BCKDHB: variants seen among roughly 807,000 people sequenced by gnomAD.
BCKDHB encodes the protein branched chain keto acid dehydrogenase E1 subunit beta.
Under a neutral mutation model 48.5 loss-of-function variants are expected in BCKDHB, and 41 were observed. The observed-to-expected ratio is 0.85, with a 90% CI of 0.66 to 1.10. The LOEUF (loss-of-function observed/expected upper bound fraction) is 1.10. Among genes scored for constraint, BCKDHB ranks in the 50% least tolerant of loss-of-function variants. BCKDHB has a pLI of 0.00. For synonymous variants in BCKDHB, 201 were observed against 174.8 expected, an observed-to-expected ratio of 1.15 and a Z score of -1.18; for missense variants, 496 against 494.2, an observed-to-expected ratio of 1.00 and a Z score of -0.03.
intron 1 of BCKDHB, among the ~76,000 whole-genome samples, chr6:80,119,867 AT>A (rs144052587): frequency 0.073 from 10,928 of 149,024 alleles, 584 homozygotes; most frequent in South Asian, 0.25. Context: ...TTTTTTTCCT[AT>A]TTTTTTTTTC....
At chr6:80,119,670 A>G (rs1387531452) in intron 1 of BCKDHB, among the ~76,000 whole-genome samples, 1 of 152,150 alleles carries the variant, frequency 6.6e-6, no homozygotes, top group African/African-American at 2.4e-5. Flanking sequence ...TCTAAATGGC[A>G]TCTAGAATAG....
chr6:80,293,395 G>T (rs1364659157), intron 9 of BCKDHB, among the ~76,000 whole-genome samples: 11 of 152,298 alleles, frequency 7.2e-5, no homozygotes, highest in Non-Finnish European at 2.9e-5. Context: ...ACCCTCTAAA[G>T]CCACAGCCCA....
At chr6:80,340,047 T>C (rs1168247977) in intron 9 of BCKDHB, among the ~76,000 whole-genome samples, 1 of 152,222 alleles carries the variant, frequency 6.6e-6, no homozygotes, top group Non-Finnish European at 1.5e-5. Flanking sequence ...TTAAGATGGT[T>C]AAATTAGATA....
At chr6:80,144,290 T>C (rs1238797181) in intron 3 of BCKDHB, among the ~76,000 whole-genome samples, 1 of 152,140 alleles carries the variant, frequency 6.6e-6, no homozygotes, top group East Asian at 1.9e-4. Flanking sequence ...TAAGGCAACT[T>C]AGGTATTTGC....
chr6:80,258,407 A>G (rs1582454704), intron 8 of BCKDHB, among the ~76,000 whole-genome samples: 1 of 152,350 alleles, frequency 6.6e-6, no homozygotes, highest in East Asian at 1.9e-4. Flanking sequence ...TACCAGAGGA[A>G]ATATTCAACA....
intron 8 of BCKDHB, among the ~76,000 whole-genome samples, chr6:80,254,773 C>T (rs960787189): frequency 6.6e-6 from 1 of 152,066 alleles, no homozygotes; most frequent in Non-Finnish European, 1.5e-5. Flanking sequence ...CCAGAAATCC[C>T]CAGAAACTGA....
At chr6:80,340,297 T>C (rs953248114) in intron 9 of BCKDHB, among the ~76,000 whole-genome samples, 6 of 152,202 alleles carry the variant, frequency 3.9e-5, no homozygotes, top group Non-Finnish European at 7.4e-5. Context: ...TTTCAGTCCT[T>C]CTTACTGGAT....
At chr6:80,417,180 T>C in the BCKDHB span, among the ~76,000 whole-genome samples, 2 of 152,174 alleles carry the variant, frequency 1.3e-5, no homozygotes, top group Admixed American at 1.3e-4. Context: ...CTCCTTTTTT[T>C]CTGTTTTCCA....
chr6:80,421,177 A>G, the BCKDHB span, among the ~76,000 whole-genome samples: 5 of 152,016 alleles, frequency 3.3e-5, no homozygotes, highest in African/African-American at 9.6e-5. Context: ...GTTCTCATGG[A>G]TCTGATGGTT....
chr6:80,251,451 A>G (rs1776834611), intron 8 of BCKDHB, among the ~76,000 whole-genome samples: 1 of 152,186 alleles, frequency 6.6e-6, no homozygotes, highest in African/African-American at 2.4e-5. Context: ...TATGGGAAAA[A>G]GGCAAAATTG....
Position 80,177,090 on chromosome 6 carries a change from C to CA in BCKDHB, c.742+5701dup, listed in dbSNP as rs1422226295. On this transcript the variant is annotated intron_variant, in intron 6 of 9. Coordinates refer to ENST00000320393, the MANE Select transcript of BCKDHB (RefSeq NM_183050.4). ...AAAAATGCAAAATGTAGCCAGGTGT[C>CA]ATGGCATGCGCCTGTGGTCCTAGCT... Among the ~76,000 whole-genome samples, 5 of 151,044 alleles carry CA rather than the reference C, an allele frequency of 3.3e-5. No individual in the cohort carries two copies. In the East Asian group the frequency reaches 9.8e-4, roughly 30 times the overall value.
At chr6:80,332,886 C>A (rs960969714) in intron 9 of BCKDHB, among the ~76,000 whole-genome samples, 2 of 150,180 alleles carry the variant, frequency 1.3e-5, no homozygotes, top group African/African-American at 4.9e-5. Flanking sequence ...CATGTCCATC[C>A]TTCCTCTTAC....
intron 8 of BCKDHB, among the ~76,000 whole-genome samples, chr6:80,270,792 C>T (rs142212986): frequency 1.9e-4 from 29 of 152,112 alleles, no homozygotes; most frequent in African/African-American, 5.8e-4. Context: ...TGGCTCCCTG[C>T]GTTGTTAGTG....
Position 80,342,721 on chromosome 6 carries a change from C to G in BCKDHB, c.1039-943C>G, listed in dbSNP as rs78417435. Among the ~76,000 whole-genome samples the G allele has an allele frequency of 6.1e-3, 927 of 152,080 alleles. 10 individuals are homozygous for G. Among genetic ancestry groups the G allele is most frequent in the African/African-American group, 0.022 (895 of 41,506 alleles). ...GTGGGATTGCTTGAGTCTGGAAGAT[C>G]GAGGTTGCAGTGAGCCGTGTTTGCA... On this transcript the variant is annotated intron_variant, in intron 9 of 9. Transcript: ENST00000320393.
intron 8 of BCKDHB, among the ~76,000 whole-genome samples, chr6:80,269,308 T>C (rs984693167): frequency 6.6e-6 from 1 of 152,148 alleles, no homozygotes; most frequent in African/African-American, 2.4e-5. Context: ...ATTGCTCCTA[T>C]TGTGATAGTA....
At chr6:80,119,385 C>T (rs150005086) in intron 1 of BCKDHB, among the ~76,000 whole-genome samples, 1 of 152,120 alleles carries the variant, frequency 6.6e-6, no homozygotes, top group African/African-American at 2.4e-5. Context: ...GTGGCATAAT[C>T]TTGGCTGGCT....
chr6:80,131,819 T>C (rs571360749), intron 3 of BCKDHB, among the ~76,000 whole-genome samples: 4 of 151,944 alleles, frequency 2.6e-5, no homozygotes, highest in Admixed American at 1.3e-4. Flanking sequence ...ATTTTTGTAT[T>C]TTTAGTAGAG....
At chr6:80,152,817 A>C (rs1298412063) in intron 3 of BCKDHB, among the ~76,000 whole-genome samples, 1 of 152,152 alleles carries the variant, frequency 6.6e-6, no homozygotes, top group African/African-American at 2.4e-5. Flanking sequence ...ACCTTTGTGG[A>C]TCATCATGTC....
chr6:80,342,337 T>C (rs2128019042), intron 9 of BCKDHB, among the ~76,000 whole-genome samples: 1 of 152,192 alleles, frequency 6.6e-6, no homozygotes, highest in Middle Eastern at 3.4e-3. Flanking sequence ...GGTTTTATTT[T>C]AAGTAATAGC....
Sources: gnomAD v4.1 joint callset for allele counts (sites outside exome capture counted in the v4.1 genomes callset) on GRCh38, gnomAD v4.1.1 for gene constraint, MANE v1.5 for transcripts, NCBI Gene and HGNC (gene_info 2026-07-23, HGNC 2026-07-21) for gene names.